Variants in CTNNA2 observed in about 807,000 individuals in gnomAD.
CTNNA2 encodes catenin alpha-2.
In CTNNA2, 42 loss-of-function variants were observed where a neutral mutation model predicts 101.0. That is an observed-to-expected ratio of 0.42 (90% confidence interval 0.32 to 0.54). The LOEUF is 0.54. Among genes scored for constraint, CTNNA2 ranks in the 20% least tolerant of loss-of-function variants. The pLI is 0.14. For missense variants in CTNNA2, 871 were observed against 1,223.1 expected (o/e 0.71, Z 4.29); for synonymous variants, 450 against 456.4 (o/e 0.99, Z 0.18).
At chr2:79,471,857 T>C (rs1199518525) in intron 4 of CTNNA2, among the ~76,000 whole-genome samples, 1 of 151,750 alleles carries the variant, frequency 6.6e-6, no homozygotes, top group African/African-American at 2.4e-5. Flanking sequence ...AAAAAAAAGA[T>C]TTTAACATAT....
chr2:80,316,739 C>G (rs1311697061), intron 7 of CTNNA2, among the ~76,000 whole-genome samples: 1 of 152,142 alleles, frequency 6.6e-6, no homozygotes, highest in Non-Finnish European at 1.5e-5. Context: ...ACTATATATG[C>G]TTTGAGGTCC....
intron 3 of CTNNA2, among the ~76,000 whole-genome samples, chr2:79,799,830 A>T (rs1177592146): frequency 2.0e-5 from 3 of 152,186 alleles, no homozygotes; most frequent in Non-Finnish European, 4.4e-5. Flanking sequence ...ATTTTATTTT[A>T]TATGTCATAA....
At chr2:79,964,873 T>C (rs1251403581) in intron 7 of CTNNA2, among the ~76,000 whole-genome samples, 2 of 152,218 alleles carry the variant, frequency 1.3e-5, no homozygotes, top group African/African-American at 4.8e-5. Context: ...ATCCCCTTTT[T>C]CCAGTTTCTC....
At chr2:80,427,936 G>GTCA (rs1681138981) in intron 9 of CTNNA2, among the ~76,000 whole-genome samples, 2 of 152,182 alleles carry the variant, frequency 1.3e-5, no homozygotes, top group Non-Finnish European at 2.9e-5. Flanking sequence ...GAAAGGGAGA[G>GTCA]GTAAGTGTAT....
At chr2:79,819,858 C>T (rs1425380014) in intron 3 of CTNNA2, among the ~76,000 whole-genome samples, 1 of 151,994 alleles carries the variant, frequency 6.6e-6, no homozygotes, top group Non-Finnish European at 1.5e-5. Flanking sequence ...TTGATCATTA[C>T]ATATTCTATG....
At position 80,184,256 on chromosome 2, in the gene CTNNA2, TATTA is replaced by T. The variant is rs1482618585; in HGVS notation, c.1057-208951_1057-208948del. Among the ~76,000 whole-genome samples the T allele has an allele frequency of 2.0e-5, 3 of 152,292 alleles. No homozygotes were observed. In the South Asian group the frequency reaches 6.2e-4, roughly 32 times the overall value. On this transcript the variant is annotated intron_variant, in intron 7 of 18. Transcript: ENST00000402739. ...TGTATATTTATTAGGAAATCAATCT[TATTA>T]ATTTTAGCATGTCATTGACAGACAG...
chr2:79,190,435 C>A (rs1293813037), intron 1 of CTNNA2, among the ~76,000 whole-genome samples: 4 of 152,048 alleles, frequency 2.6e-5, no homozygotes, highest in Non-Finnish European at 5.9e-5. Flanking sequence ...TAACCACTTT[C>A]TACTTGGATT....
intron 3 of CTNNA2, among the ~76,000 whole-genome samples, chr2:79,778,194 A>T (rs72912735): frequency 0.022 from 3,290 of 152,064 alleles, 133 homozygotes; most frequent in African/African-American, 0.075. Flanking sequence ...ATACAAAAAA[A>T]AATTAACCGA....
intron 1 of CTNNA2, among the ~76,000 whole-genome samples, chr2:79,615,258 T>C (rs1678540931): frequency 6.6e-6 from 1 of 152,210 alleles, no homozygotes; most frequent in African/African-American, 2.4e-5. Flanking sequence ...ATAATTTATT[T>C]CTAAATGTTA....
chr2:79,300,367 A>G (rs1676080246), intron 2 of CTNNA2, among the ~76,000 whole-genome samples: 1 of 152,188 alleles, frequency 6.6e-6, no homozygotes, highest in Admixed American at 6.5e-5. Flanking sequence ...TACCTAAATA[A>G]TATGCCATTG....
intron 18 of CTNNA2, 78 bp downstream of exon 18, chr2:80,619,306 G>T: frequency 7.5e-7 from 1 of 1,338,260 alleles, no homozygotes; most frequent in Non-Finnish European, 9.7e-7. Flanking sequence ...TGGATTTTAG[G>T]GAAATAAAAA....
At chr2:79,279,462 G>A (rs534074188) in intron 2 of CTNNA2, among the ~76,000 whole-genome samples, 8 of 152,020 alleles carry the variant, frequency 5.3e-5, no homozygotes, top group Non-Finnish European at 1.0e-4. Flanking sequence ...GGTAGTTTTC[G>A]TCCATGCCCC....
intron 18 of CTNNA2, among the ~76,000 whole-genome samples, chr2:80,621,141 C>A (rs755497383): frequency 6.6e-6 from 1 of 151,774 alleles, no homozygotes; most frequent in Non-Finnish European, 1.5e-5. Context: ...TAACTCAAAG[C>A]AAATTACTTA....
intron 7 of CTNNA2, among the ~76,000 whole-genome samples, chr2:80,374,102 A>G (rs988016076): frequency 1.3e-5 from 2 of 152,142 alleles, no homozygotes; most frequent in African/African-American, 4.8e-5. Context: ...ATTCAGGGCA[A>G]CAGGTACAGG....
intron 3 of CTNNA2, among the ~76,000 whole-genome samples, chr2:79,333,591 A>G (rs1390245589): frequency 6.6e-6 from 1 of 152,192 alleles, no homozygotes; most frequent in Non-Finnish European, 1.5e-5. Context: ...TGCATAACAT[A>G]GAAATGATGA....
chr2:79,934,110 T>G (rs572747082), intron 7 of CTNNA2, among the ~76,000 whole-genome samples: 174 of 152,334 alleles, frequency 1.1e-3, no homozygotes, highest in African/African-American at 3.9e-3. Context: ...ATTTCTAAGG[T>G]TGAGCTTTAA....
intron 4 of CTNNA2, among the ~76,000 whole-genome samples, chr2:79,469,418 A>G (rs1415052589): frequency 3.9e-5 from 6 of 152,210 alleles, no homozygotes; most frequent in Non-Finnish European, 7.3e-5. Context: ...GTCCAGGACC[A>G]GACGGATTCA....
At chr2:80,529,381 A>T (rs1476101495) in intron 9 of CTNNA2, among the ~76,000 whole-genome samples, 1 of 152,222 alleles carries the variant, frequency 6.6e-6, no homozygotes, top group African/African-American at 2.4e-5. Flanking sequence ...GGAAAAGTAT[A>T]TCTATGTGTA....
chr2:80,548,633 C>T (rs989771103), intron 11 of CTNNA2, among the ~76,000 whole-genome samples: 10 of 152,168 alleles, frequency 6.6e-5, no homozygotes, highest in Admixed American at 1.3e-4. Flanking sequence ...AATGAACAGG[C>T]GCTGTCAGAG....
Sources: allele counts gnomAD v4.1 joint callset (sites outside exome capture counted in the v4.1 genomes callset), GRCh38; gene constraint gnomAD v4.1.1; transcripts MANE v1.5; gene names NCBI Gene and HGNC (gene_info 2026-07-23, HGNC 2026-07-21).